Variants in HEXB observed in about 807,000 individuals in gnomAD.
HEXB encodes the protein hexosaminidase subunit beta, also known as beta-hexosaminidase subunit beta.
In HEXB, 51 loss-of-function variants were observed where a neutral mutation model predicts 71.2. That is an observed-to-expected ratio of 0.72 (90% CI 0.57 to 0.90). HEXB has a LOEUF of 0.90. Ranked by LOEUF, HEXB falls within the 40% of genes least tolerant of loss-of-function variation. The pLI is 0.00. For missense variants in HEXB, 617 were observed against 677.0 expected, an observed-to-expected ratio of 0.91 and a Z score of 0.98; for synonymous variants, 266 against 249.3, an observed-to-expected ratio of 1.07 and a Z score of -0.63.
chr5:74,656,287 T>A (rs1289768421), intron 1 of HEXB, among the ~76,000 whole-genome samples: 1 of 152,006 alleles, frequency 6.6e-6, no homozygotes, highest in Non-Finnish European at 1.5e-5. Flanking sequence ...GAGACCAGCC[T>A]GGCCAACATG....
chr5:74,713,876 C>T (rs1749613152), intron 7 of HEXB, among the ~76,000 whole-genome samples: 1 of 151,246 alleles, frequency 6.6e-6, no homozygotes, highest in Non-Finnish European at 1.5e-5. Context: ...AGTCTCACTC[C>T]GTTGCCCAGG....
intron 1 of HEXB, among the ~76,000 whole-genome samples, chr5:74,679,798 C>CAAAAAAAAAAAA (rs70976121): frequency 7.7e-5 from 3 of 38,924 alleles, no homozygotes; most frequent in African/African-American, 1.2e-4. Context: ...GACTCCGTCT[C>CAAAAAAAAAAAA]AAAAAAAAAA....
chr5:74,663,196 G>T (rs76169096), intron 1 of HEXB, among the ~76,000 whole-genome samples: 2 of 149,990 alleles, frequency 1.3e-5, no homozygotes, highest in Non-Finnish European at 3.0e-5. Flanking sequence ...TTTTTTGGGG[G>T]GGTGGAGTGC....
At chr5:74,718,684 A>G in intron 10 of HEXB, 113 bp from the exon 11 acceptor site, 4 of 1,111,220 alleles carry the variant, frequency 3.6e-6, no homozygotes, top group Non-Finnish European at 5.4e-6. Flanking sequence ...GAAAATGCAG[A>G]TTTTTTTTAA....
Position 74,715,558 on chromosome 5 carries a change from A to T in HEXB, c.950A>T (p.Asp317Val), listed in dbSNP as rs1009174914. Reference sequence around the variant, plus strand: ...TGTTACAGTAGACAAAACAAGTTGGACTCTTTTGGACCTATAAACCCTACT... The same window carrying T: ...TGTTACAGTAGACAAAACAAGTTGGTCTCTTTTGGACCTATAAACCCTACT... ...TPCYSRQNKL[D>V]SFGPINPTLN... Residue 317 changes from aspartate (D) to valine (V), a missense_variant, in exon 8 of 14, where the codon GAC (aspartate) becomes GTC (valine). Coordinates refer to ENST00000261416, the MANE Select transcript of HEXB (RefSeq NM_000521.4). 3.1e-6 allele frequency: 5 copies of T among 1,612,120 alleles called. No homozygotes were observed. In the African/African-American group the frequency reaches 5.3e-5, roughly 17 times the overall value.
intron 3 of HEXB, among the ~76,000 whole-genome samples, chr5:74,696,179 A>AG (rs1749109487): frequency 6.6e-6 from 1 of 152,230 alleles, no homozygotes; most frequent in Non-Finnish European, 1.5e-5. Context: ...TAGTATATTA[A>AG]GGGAATAATC....
intron 1 of HEXB, among the ~76,000 whole-genome samples, chr5:74,662,365 T>C (rs1748343030): frequency 6.6e-6 from 1 of 152,246 alleles, no homozygotes; most frequent in African/African-American, 2.4e-5. Flanking sequence ...GCCCATTTTG[T>C]TTTGAGTTAC....
chr5:74,691,632 A>G (rs1749006083), intron 2 of HEXB, among the ~76,000 whole-genome samples: 1 of 152,222 alleles, frequency 6.6e-6, no homozygotes, highest in Admixed American at 6.5e-5. Context: ...CGCATAAAGC[A>G]ATACTATATT....
At chr5:74,663,393 G>A (rs773828437) in intron 1 of HEXB, among the ~76,000 whole-genome samples, 1 of 152,108 alleles carries the variant, frequency 6.6e-6, no homozygotes, top group Non-Finnish European at 1.5e-5. Context: ...GTTTTGCCAT[G>A]TTGGTCAGGC....
chr5:74,705,382 G>T, intron 6 of HEXB, 62 bp downstream of exon 6: 1 of 926,322 alleles, frequency 1.1e-6, no homozygotes, highest in Non-Finnish European at 1.8e-6. Context: ...TTACAAGTTT[G>T]TAGCTTAAAT....
intron 6 of HEXB, among the ~76,000 whole-genome samples, chr5:74,712,436 T>A (rs13165466): frequency 0.23 from 25,954 of 115,064 alleles, 3,098 homozygotes; most frequent in African/African-American, 0.5. Flanking sequence ...ATGATAATAA[T>A]AAAAAAAAGA....
intron 1 of HEXB, among the ~76,000 whole-genome samples, chr5:74,677,490 C>CTT (rs566302720): frequency 0.015 from 1,155 of 77,204 alleles, 21 homozygotes; most frequent in African/African-American, 0.027. Context: ...TCTTCTTCTT[C>CTT]TTTTTTTTTT....
At chr5:74,657,146 C>T (rs1748234965) in intron 1 of HEXB, among the ~76,000 whole-genome samples, 1 of 152,014 alleles carries the variant, frequency 6.6e-6, no homozygotes, top group Non-Finnish European at 1.5e-5. Context: ...GGGGAGGGGT[C>T]GTGTGTGTGA....
chr5:74,709,229 A>G (rs1749479704), intron 6 of HEXB, among the ~76,000 whole-genome samples: 1 of 152,174 alleles, frequency 6.6e-6, no homozygotes, highest in South Asian at 2.1e-4. Context: ...AAATAAAGAT[A>G]TTCTTTGAAA....
chr5:74,684,339 C>T (rs1169881669), upstream of HEXB, among the ~76,000 whole-genome samples: 1 of 152,182 alleles, frequency 6.6e-6, no homozygotes, highest in Non-Finnish European at 1.5e-5. Flanking sequence ...AGTTGGGATC[C>T]TTTATATCGG....
intron 1 of HEXB, among the ~76,000 whole-genome samples, chr5:74,649,673 A>T (rs1748067338): frequency 6.6e-6 from 1 of 152,242 alleles, no homozygotes. Flanking sequence ...GGCCTGATAA[A>T]GGTGTGACAA....
At position 74,652,361 on chromosome 5, in the gene HEXB, G is replaced by A. The variant is rs532426484; in HGVS notation, c.-377+11803G>A. Among the ~76,000 whole-genome samples, 51 of 152,088 alleles carry A rather than the reference G, an allele frequency of 3.4e-4. No individual in the cohort carries two copies. Among genetic ancestry groups the A allele is most frequent in the African/African-American group, 1.2e-3 (49 of 41,482 alleles). ...AGAGCTGTGCTCTCCTAGTGTGTGG[G>A]CCTCCTGGCCCACGTGTCCAGCAAG... On this transcript the variant is annotated intron_variant, in intron 1 of 13. Transcript: ENST00000511181. The surrounding 1 kb of genome is among the most constrained non-coding windows in gnomAD (Gnocchi z 5.4).
At chr5:74,692,528 G>C (rs1749026804) in intron 2 of HEXB, among the ~76,000 whole-genome samples, 1 of 152,150 alleles carries the variant, frequency 6.6e-6, no homozygotes, top group African/African-American at 2.4e-5. Flanking sequence ...AACATAATTA[G>C]ACTATGCTCA....
chr5:74,699,822 C>T (rs1054393785), intron 5 of HEXB, among the ~76,000 whole-genome samples: 3 of 151,930 alleles, frequency 2.0e-5, no homozygotes, highest in African/African-American at 4.8e-5. Context: ...CTAGACAGGT[C>T]GGTCATAGCC....
Sources: allele counts gnomAD v4.1 joint callset (sites outside exome capture counted in the v4.1 genomes callset), GRCh38; gene constraint gnomAD v4.1.1; non-coding constraint Gnocchi (gnomAD v3.1); transcripts MANE v1.5; gene names NCBI Gene and HGNC (gene_info 2026-07-23, HGNC 2026-07-21).